Variants in ZNF324B observed in about 807,000 individuals in gnomAD.
ZNF324B encodes zinc finger protein 324B.
ZNF324B carries 7 observed loss-of-function variants against 10.6 expected under a neutral mutation model. The observed-to-expected ratio is 0.66, with a 90% CI of 0.38 to 1.24. The LOEUF (loss-of-function observed/expected upper bound fraction) is 1.24, where lower values mean the gene tolerates loss of function less well. Among genes scored for constraint, ZNF324B ranks in the 50% most tolerant of loss-of-function variants. The pLI, the probability that ZNF324B is intolerant of heterozygous loss-of-function variation, is 0.02. For synonymous variants in ZNF324B, 316 were observed against 321.0 expected, an observed-to-expected ratio of 0.98 and a Z score of 0.17; for missense variants, 640 against 764.7, an observed-to-expected ratio of 0.84 and a Z score of 1.92.
At chr19:58,453,670 C>G (rs750409959) in intron 1 of ZNF324B, 26 bp from the exon 2 acceptor site, 1 of 1,614,178 alleles carries the variant, frequency 6.2e-7, no homozygotes, top group East Asian at 2.2e-5. Flanking sequence ...TAGACCATGC[C>G]TACCTCCACC....
chr19:58,427,394 C>CTT, the ZNF324B span, among the ~76,000 whole-genome samples: 1 of 54,344 alleles, frequency 1.8e-5, no homozygotes, highest in East Asian at 6.4e-4. Context: ...TTCTTTCTTT[C>CTT]TTTCTTTCTT....
At chr19:58,427,322 TCTTTCTTTCTTTCTTTCTTTCTCTTTC>T in the ZNF324B span, among the ~76,000 whole-genome samples, 6 of 90,434 alleles carry the variant, frequency 6.6e-5, no homozygotes, top group East Asian at 2.5e-4. Context: ...TTTCTTTCTT[TCTTTCTTTCTTTCTTTCTTTCTCTTTC>T]CTTTCTTTCT....
At chr19:58,437,342 C>T in the ZNF324B span, 20 of 1,098,680 alleles carry the variant, frequency 1.8e-5, no homozygotes, top group African/African-American at 4.8e-5. Context: ...CCACTACTCA[C>T]CCATCCACAG....
At chr19:58,448,241 GTTGAATGGCT>G (rs1363161265), upstream of ZNF324B, among the ~76,000 whole-genome samples, 3 of 152,180 alleles carry the variant, frequency 2.0e-5, no homozygotes, top group Admixed American at 1.3e-4. Flanking sequence ...CTAGAGACTT[GTTGAATGGCT>G]TTGACCAAAA....
chr19:58,443,188 C>G, the ZNF324B span: 2 of 152,174 alleles, frequency 1.3e-5, no homozygotes, highest in African/African-American at 2.4e-5. Context: ...TAGCTAGACA[C>G]AGAGCGCTGA....
the ZNF324B span, chr19:58,428,781 T>A: frequency 6.6e-6 from 1 of 152,244 alleles, no homozygotes; most frequent in East Asian, 1.9e-4. Context: ...ACATGTCCCC[T>A]CTTGTCTACC....
chr19:58,422,960 C>A, the ZNF324B span, among the ~76,000 whole-genome samples: 3 of 152,066 alleles, frequency 2.0e-5, no homozygotes, highest in South Asian at 6.2e-4. Context: ...AGCTCCGCCT[C>A]CCGGGTTCAC....
chr19:58,439,830 G>A, the ZNF324B span: 1 of 1,540,752 alleles, frequency 6.5e-7, no homozygotes, highest in Non-Finnish European at 8.7e-7. Context: ...ATAACAGGAG[G>A]CCCAGGGCTA....
upstream of ZNF324B, among the ~76,000 whole-genome samples, chr19:58,450,187 C>T (rs2052845415): frequency 6.6e-6 from 1 of 152,070 alleles, no homozygotes; most frequent in African/African-American, 2.4e-5. Flanking sequence ...GTAAGACGTG[C>T]CTTTCACCTT....
chr19:58,448,589 T>C (rs2052837713), upstream of ZNF324B, among the ~76,000 whole-genome samples: 1 of 152,076 alleles, frequency 6.6e-6, no homozygotes, highest in South Asian at 2.1e-4. Flanking sequence ...TAGCCTGGCA[T>C]GATGGCGGGT....
chr19:58,437,140 A>G, the ZNF324B span: 3 of 1,614,150 alleles, frequency 1.9e-6, no homozygotes, highest in Admixed American at 3.3e-5. Context: ...TCTTGGGAGA[A>G]GTATACAGCC....
the ZNF324B span, chr19:58,433,001 C>T: frequency 2.4e-5 from 8 of 330,994 alleles, no homozygotes; most frequent in Non-Finnish European, 4.4e-5. Flanking sequence ...CAACCAGCAT[C>T]GGTTCAGCTG....
At chr19:58,436,269 T>C in the ZNF324B span, 1 of 154,206 alleles carries the variant, frequency 6.5e-6, no homozygotes. Context: ...TAAAATTACA[T>C]TATAGCAATG....
the ZNF324B span, chr19:58,432,793 C>G: frequency 6.0e-6 from 1 of 166,068 alleles, no homozygotes; most frequent in South Asian, 1.4e-4. Context: ...CCTACCCCAA[C>G]AGAACCCCTA....
At chr19:58,434,335 G>A in the ZNF324B span, 2 of 1,614,246 alleles carry the variant, frequency 1.2e-6, no homozygotes, top group Non-Finnish European at 1.7e-6. Context: ...CCTTTCTCCA[G>A]TGTGAACTTT....
chr19:58,446,106 A>G, the ZNF324B span, among the ~76,000 whole-genome samples: 6 of 152,142 alleles, frequency 3.9e-5, no homozygotes, highest in African/African-American at 1.2e-4. Flanking sequence ...CTGCACTCCA[A>G]CCTGGGCAAC....
chr19:58,456,351 C>T lies in ZNF324B; in HGVS notation c.1407C>T (p.Leu469=), dbSNP rs1568605979. The change falls in exon 4 of 4, where the codon CTC becomes CTT. Residue 469 remains leucine, a synonymous_variant. Coordinates refer to ENST00000336614, the MANE Select transcript of ZNF324B (RefSeq NM_207395.3). The surrounding 1 kb of genome is among the most constrained non-coding windows in gnomAD (Gnocchi z 4.7). ...GKGFAKGAVL[L]SHRRIHTGEK... ...GTTTCGCCAAGGGCGCCGTGCTGCT[C>T]AGCCACCGGCGCATTCACACGGGCG... The T allele has an allele frequency of 6.2e-7, 1 of 1,612,652 alleles. No homozygotes were observed. Among genetic ancestry groups the T allele is most frequent in the Non-Finnish European group, 8.5e-7 (1 of 1,179,908 alleles).
the ZNF324B span, chr19:58,433,006 C>G: frequency 9.3e-6 from 3 of 321,980 alleles, no homozygotes; most frequent in South Asian, 7.1e-5. Flanking sequence ...AGCATCGGTT[C>G]AGCTGAGCAC....
the ZNF324B span, among the ~76,000 whole-genome samples, chr19:58,421,668 C>T: frequency 7.9e-5 from 12 of 152,010 alleles, no homozygotes; most frequent in African/African-American, 2.9e-4. Flanking sequence ...CGTGAGCCAC[C>T]GTGCCCAGCC....
Sources: allele counts gnomAD v4.1 joint callset (sites outside exome capture counted in the v4.1 genomes callset), GRCh38; gene constraint gnomAD v4.1.1; non-coding constraint Gnocchi (gnomAD v3.1); transcripts MANE v1.5; gene names NCBI Gene and HGNC (gene_info 2026-07-23, HGNC 2026-07-21).